HNRNPC: variants seen among roughly 807,000 people sequenced by gnomAD.
HNRNPC encodes heterogeneous nuclear ribonucleoproteins C1/C2.
Under a neutral mutation model 33.2 loss-of-function variants are expected in HNRNPC, and 3 were observed. The ratio of observed to expected loss-of-function variants is 0.09; its 90% CI spans 0.04 to 0.23. The LOEUF (loss-of-function observed/expected upper bound fraction) is 0.23. Ranked by LOEUF, HNRNPC falls within the 10% of genes least tolerant of loss-of-function variation. The pLI is 1.00. For synonymous variants in HNRNPC, 121 were observed against 126.7 expected, an observed-to-expected ratio of 0.96 and a Z score of 0.30; for missense variants, 143 against 366.7, an observed-to-expected ratio of 0.39 and a Z score of 4.98.
chr14:21,212,016 A>G (rs1282591108), intron 6 of HNRNPC, 93 bp from the exon 7 acceptor site: 1 of 957,150 alleles, frequency 1.0e-6, no homozygotes, highest in African/African-American at 1.6e-5. Context: ...AGGAGCTCAC[A>G]GGAGATACCC....
At chr14:21,230,921 T>C in intron 4 of HNRNPC, 76 bp downstream of exon 4, 2 of 1,536,394 alleles carry the variant, frequency 1.3e-6, no homozygotes, top group African/African-American at 2.7e-5. Context: ...TGCCCACTGA[T>C]GGACACAATG....
chr14:21,262,650 G>A (rs763238700), intron 2 of HNRNPC: 1 of 152,402 alleles, frequency 6.6e-6, no homozygotes, highest in Non-Finnish European at 1.5e-5. Flanking sequence ...CCTGGCTCCA[G>A]GTCATCCTGG....
intron 2 of HNRNPC, among the ~76,000 whole-genome samples, chr14:21,256,092 G>GA (rs74555408): frequency 6.6e-6 from 1 of 152,100 alleles, no homozygotes; most frequent in African/African-American, 2.4e-5. Flanking sequence ...GTAAATCACA[G>GA]AAAAATTTTT....
chr14:21,211,377 C>A (rs1891575278), intron 8 of HNRNPC, 29 bp downstream of exon 8: 2 of 1,538,702 alleles, frequency 1.3e-6, no homozygotes, highest in African/African-American at 2.9e-5. Flanking sequence ...CCTCCACCAC[C>A]TTTTTCTTTC....
At chr14:21,246,694 T>C (rs1397660580) in intron 2 of HNRNPC, among the ~76,000 whole-genome samples, 1 of 152,208 alleles carries the variant, frequency 6.6e-6, no homozygotes, top group African/African-American at 2.4e-5. Flanking sequence ...GATGCTACTT[T>C]TCTGTTTACT....
chr14:21,229,084 T>TA (rs1417186934), intron 5 of HNRNPC, among the ~76,000 whole-genome samples: 37 of 135,730 alleles, frequency 2.7e-4, no homozygotes, highest in African/African-American at 8.3e-4. Context: ...AATTCCGTAT[T>TA]TAAAAAAAAA....
intron 2 of HNRNPC, among the ~76,000 whole-genome samples, chr14:21,240,609 GCTTC>G (rs1895231299): frequency 6.6e-6 from 1 of 152,050 alleles, no homozygotes; most frequent in Non-Finnish European, 1.5e-5. Flanking sequence ...CAAGACTTCA[GCTTC>G]CTTTTTTATC....
intron 5 of HNRNPC, among the ~76,000 whole-genome samples, chr14:21,229,149 G>C (rs1893813858): frequency 6.6e-6 from 1 of 151,322 alleles, no homozygotes; most frequent in South Asian, 2.1e-4. Context: ...CCAGCACTTT[G>C]GGAGGCCAAG....
At chr14:21,256,207 G>A (rs937024493) in intron 2 of HNRNPC, among the ~76,000 whole-genome samples, 5 of 152,146 alleles carry the variant, frequency 3.3e-5, no homozygotes, top group Non-Finnish European at 4.4e-5. Flanking sequence ...AGCACTTTGG[G>A]GAGGCAGAGA....
At chr14:21,239,384 G>C (rs1895090339) in intron 2 of HNRNPC, among the ~76,000 whole-genome samples, 1 of 151,958 alleles carries the variant, frequency 6.6e-6, no homozygotes, top group Non-Finnish European at 1.5e-5. Context: ...GGAGGCTGAG[G>C]CAGGAAAAAT....
intron 5 of HNRNPC, among the ~76,000 whole-genome samples, chr14:21,225,904 ATATC>A (rs745986852): frequency 4.6e-5 from 7 of 152,184 alleles, no homozygotes; most frequent in Non-Finnish European, 8.8e-5. Flanking sequence ...TGAAGAAAAT[ATATC>A]TAGTTTATAT....
At chr14:21,253,711 C>T (rs1896910718) in intron 2 of HNRNPC, among the ~76,000 whole-genome samples, 2 of 151,884 alleles carry the variant, frequency 1.3e-5, no homozygotes, top group South Asian at 2.1e-4. Context: ...TATTAGTGGC[C>T]GCTAACACTG....
chr14:21,231,227 C>T (rs1033405239), intron 3 of HNRNPC, 155 bp from the exon 4 acceptor site: 16 of 719,516 alleles, frequency 2.2e-5, no homozygotes, highest in Admixed American at 6.2e-5. Context: ...CTCTACCTCC[C>T]GGTTCAAGCG....
chr14:21,262,659 G>GGCT (rs1260193895), intron 2 of HNRNPC: 1 of 152,372 alleles, frequency 6.6e-6, no homozygotes, highest in African/African-American at 2.4e-5. Context: ...AGGTCATCCT[G>GGCT]GCTGCTGCTG....
chr14:21,269,137 C>G (rs1879524842), intron 1 of HNRNPC, among the ~76,000 whole-genome samples, 161 bp downstream of exon 1: 2 of 152,168 alleles, frequency 1.3e-5, no homozygotes, highest in South Asian at 4.1e-4. Flanking sequence ...GAGGCTGAGG[C>G]CTATAAAACT....
intron 2 of HNRNPC, among the ~76,000 whole-genome samples, chr14:21,262,090 G>C (rs540485729): frequency 1.9e-4 from 29 of 152,296 alleles, no homozygotes; most frequent in African/African-American, 7.0e-4. Context: ...TCCCTGCTTT[G>C]TGAGGTCAAA....
chr14:21,218,708 A>AAAAAAAC (rs1555351295), intron 5 of HNRNPC, among the ~76,000 whole-genome samples: 1 of 142,512 alleles, frequency 7.0e-6, no homozygotes, highest in African/African-American at 2.6e-5. Flanking sequence ...AAAAAAAAAA[A>AAAAAAAC]CTGAAATTGA....
At chr14:21,245,101 A>AG (rs1200319578) in intron 2 of HNRNPC, among the ~76,000 whole-genome samples, 2 of 150,532 alleles carry the variant, frequency 1.3e-5, no homozygotes, top group African/African-American at 4.9e-5. Flanking sequence ...AAAAAAAAAA[A>AG]AAAAAGCAAA....
intron 5 of HNRNPC, among the ~76,000 whole-genome samples, chr14:21,216,087 C>T (rs901478534): frequency 4.5e-5 from 6 of 133,660 alleles, no homozygotes; most frequent in African/African-American, 1.7e-4. Context: ...CCAGCCTGGG[C>T]GACAGAGTAA....
Sources: allele counts gnomAD v4.1 joint callset (sites outside exome capture counted in the v4.1 genomes callset), GRCh38; gene constraint gnomAD v4.1.1; transcripts MANE v1.5; gene names NCBI Gene and HGNC (gene_info 2026-07-23, HGNC 2026-07-21).